The following AKT2 variants were observed in gnomAD, a reference collection of about 807,000 sequenced individuals.
AKT2 encodes RAC-beta serine/threonine-protein kinase.
AKT2 carries 16 observed loss-of-function variants against 58.6 expected under a neutral mutation model. That is an observed-to-expected ratio of 0.27 (90% confidence interval 0.18 to 0.41). The LOEUF (loss-of-function observed/expected upper bound fraction) is 0.41, where lower values mean the gene tolerates loss of function less well. Ranked by LOEUF, AKT2 falls within the 10% of genes least tolerant of loss-of-function variation. The pLI, the probability that AKT2 is intolerant of heterozygous loss-of-function variation, is 1.00. For missense variants in AKT2, 438 were observed against 661.0 expected (o/e 0.66, Z 3.70); for synonymous variants, 253 against 254.0 (o/e 1.00, Z 0.04).
intron 1 of AKT2, among the ~76,000 whole-genome samples, chr19:40,267,859 G>A (rs1258718757): frequency 6.6e-6 from 1 of 152,248 alleles, no homozygotes; most frequent in East Asian, 1.9e-4. Flanking sequence ...TAATCAGGTG[G>A]TGGGGAGGCT....
In AKT2 at chr19:40,234,612, C is replaced by G. The variant is rs1379082545; in HGVS notation, c.1366+433G>C. 2 of 460,852 alleles carry G rather than the reference C, an allele frequency of 4.3e-6. No homozygotes were observed. Among genetic ancestry groups the G allele is most frequent in the East Asian group, 6.7e-5 (2 of 29,782 alleles). 28.5% of individuals were successfully genotyped at this position (460,852 alleles called of 1,614,324 possible). A position where few individuals can be genotyped will look rare whatever the true frequency, so the allele number is the denominator to read the frequency against. On this transcript the variant is annotated intron_variant, in intron 13 of 13. Transcript: ENST00000392038. This position sits in a 1 kb window ranked among gnomAD's most constrained non-coding sequence, Gnocchi z 4.7. The stretch of plus-strand genomic sequence containing the variant: ...GATATTTCCTCTGGGATTCCCCAGT[C>G]CCTGGCCTCCCACGCCCTAGCCCTG...
chr19:40,241,455 G>C (rs41306978), intron 6 of AKT2: 3 of 229,694 alleles, frequency 1.3e-5, no homozygotes, highest in Non-Finnish European at 2.6e-5. Flanking sequence ...CTGGCTAAAC[G>C]CTGATAACTG....
chr19:40,260,569 G>A (rs1413336953), intron 2 of AKT2, among the ~76,000 whole-genome samples: 1 of 134,216 alleles, frequency 7.5e-6, no homozygotes, highest in African/African-American at 2.9e-5. Flanking sequence ...GGCGGAGGCT[G>A]CAGTGAGCCG....
intron 2 of AKT2, among the ~76,000 whole-genome samples, chr19:40,261,259 G>A (rs1975925853): frequency 6.6e-6 from 1 of 152,168 alleles, no homozygotes; most frequent in Admixed American, 6.5e-5. Flanking sequence ...TCGGCCAGGC[G>A]CAATGGCTCA....
At chr19:40,263,732 T>C (rs565203472) in intron 2 of AKT2, among the ~76,000 whole-genome samples, 365 of 152,336 alleles carry the variant, frequency 2.4e-3, no homozygotes, top group African/African-American at 7.9e-3. Context: ...CGCTGCTCCC[T>C]GTCTGCGTCT....
At chr19:40,261,546 A>C (rs1212798208) in intron 2 of AKT2, among the ~76,000 whole-genome samples, 2 of 151,590 alleles carry the variant, frequency 1.3e-5, no homozygotes, top group African/African-American at 4.8e-5. Flanking sequence ...AAAAAAAAAA[A>C]ACAAGACAAG....
At position 40,234,616 on chromosome 19, in the gene AKT2, G is replaced by A; in HGVS notation, c.1366+429C>T. 2.2e-6 allele frequency: 1 copy of A among 463,454 alleles called. No homozygotes were observed. Among genetic ancestry groups the A allele is most frequent in the Non-Finnish European group, 3.8e-6 (1 of 263,654 alleles). 28.7% of individuals were successfully genotyped at this position (463,454 alleles called of 1,614,324 possible). On this transcript the variant is annotated intron_variant, in intron 13 of 13. Coordinates refer to ENST00000392038, the MANE Select transcript of AKT2 (RefSeq NM_001626.6). The surrounding 1 kb of genome is among the most constrained non-coding windows in gnomAD (Gnocchi z 4.7). ...TTTCCTCTGGGATTCCCCAGTCCCT[G>A]GCCTCCCACGCCCTAGCCCTGACCA... is the stretch of plus-strand genomic sequence containing the variant.
intron 4 of AKT2, among the ~76,000 whole-genome samples, chr19:40,252,675 C>T (rs1377732433): frequency 2.6e-5 from 4 of 152,198 alleles, no homozygotes; most frequent in Admixed American, 2.6e-4. Context: ...TCCAACACTC[C>T]TGGCCCCTTG....
rs763391927 is a variant in AKT2 at position 40,257,067 on chromosome 19, AGGAAG to A, written c.47-18_47-14del. 6.2e-7 allele frequency: 1 copy of A among 1,613,892 alleles called. No homozygotes were observed. Among genetic ancestry groups the A allele is most frequent in the African/African-American group, 1.3e-5 (1 of 75,060 alleles). On this transcript the variant is annotated splice_polypyrimidine_tract_variant and intron_variant, in intron 2 of 13. Coordinates refer to ENST00000392038, the MANE Select transcript of AKT2 (RefSeq NM_001626.6). ...TTGATGTATTCACCTGAAATGAGGC[AGGAAG>A]GGAGGGAGAGAGGTTAGGACAAGGT...
At chr19:40,265,901 TG>T (rs1976316764) in intron 1 of AKT2, 1 of 158,838 alleles carries the variant, frequency 6.3e-6, no homozygotes, top group Non-Finnish European at 1.4e-5. Context: ...CGTCCCCCCA[TG>T]CCATCCCATG....
At position 40,234,666 on chromosome 19, in the gene AKT2, G is replaced by A. The variant is rs1038061225; in HGVS notation, c.1366+379C>T. On this transcript the variant is annotated intron_variant, in intron 13 of 13. Coordinates refer to ENST00000392038, the MANE Select transcript of AKT2 (RefSeq NM_001626.6). This position sits in a 1 kb window ranked among gnomAD's most constrained non-coding sequence, Gnocchi z 4.7. Reference sequence around the variant, plus strand: ...ACTCCAGGCCGCCCACCCTACCTGGGCTGGGAGCTTTCCAGGGCAGGGCCC... The same window carrying A: ...ACTCCAGGCCGCCCACCCTACCTGGACTGGGAGCTTTCCAGGGCAGGGCCC... 2 of 565,732 alleles carry A rather than the reference G, an allele frequency of 3.5e-6. No individual in the cohort carries two copies. The highest frequency in any genetic ancestry group is 1.9e-5 in the African/African-American group (1 of 53,364). 35.0% of individuals were successfully genotyped at this position (565,732 alleles called of 1,614,324 possible).
chr19:40,274,153 C>T (rs1334040311), intron 1 of AKT2: 1 of 152,554 alleles, frequency 6.6e-6, no homozygotes, highest in African/African-American at 2.4e-5. Context: ...CCCCTCACAG[C>T]ACTTGCCTCT....
At position 40,241,804 on chromosome 19, in the gene AKT2, T is replaced by C. The variant is rs1599979551; in HGVS notation, c.573+134A>G. The C allele has an allele frequency of 8.6e-6, 12 of 1,387,746 alleles. No individual in the cohort carries two copies. The South Asian group carries it at 1.2e-4, about 14-fold the overall frequency. The allele number at this position is 1,387,746 out of a possible 1,614,324, so 86.0% of individuals were successfully genotyped here. On this transcript the variant is annotated intron_variant, in intron 6 of 13. Coordinates refer to ENST00000392038, the MANE Select transcript of AKT2 (RefSeq NM_001626.6). ...TCTCTGGGCCTCAGGCTCCCCCTTTTCTGACTAGGGGGAATTTGTGGGGGA... is the reference window on the plus strand; with the variant it reads ...TCTCTGGGCCTCAGGCTCCCCCTTTCCTGACTAGGGGGAATTTGTGGGGGA...
intron 1 of AKT2, among the ~76,000 whole-genome samples, chr19:40,278,011 A>G (rs1442915219): frequency 1.3e-5 from 2 of 152,132 alleles, no homozygotes; most frequent in African/African-American, 4.8e-5. Context: ...GGGAGGGGCC[A>G]AGGTCATGGT....
chr19:40,275,764 T>G (rs1462483384), intron 1 of AKT2, among the ~76,000 whole-genome samples: 1 of 4,740 alleles, frequency 2.1e-4, no homozygotes, highest in African/African-American at 6.9e-4. Flanking sequence ...TTTGGGAGGC[T>G]GGGGGGGGGG....
chr19:40,253,095 CAATT>C (rs1463673934), intron 4 of AKT2, among the ~76,000 whole-genome samples: 1 of 152,140 alleles, frequency 6.6e-6, no homozygotes, highest in African/African-American at 2.4e-5. Flanking sequence ...CTCTTTAAAT[CAATT>C]AAAATAAACT....
intron 6 of AKT2, chr19:40,240,331 G>C (rs765887637): frequency 2.7e-6 from 2 of 729,216 alleles, no homozygotes; most frequent in Non-Finnish European, 5.1e-6. Flanking sequence ...AAGTCAGCAG[G>C]AATGTCACAA....
chr19:40,253,453 G>T lies in AKT2; in HGVS notation c.287+1705C>A, dbSNP rs1048498022. 4.6e-4 allele frequency among the ~76,000 whole-genome samples: 32 copies of T among 69,768 alleles called. 1 individual carries two copies. Among genetic ancestry groups the T allele is most frequent in the African/African-American group, 2.2e-3 (32 of 14,700 alleles). 45.8% of individuals were successfully genotyped at this position (69,768 alleles called of 152,430 possible). A position where few individuals can be genotyped will look rare whatever the true frequency, so the allele number is the denominator to read the frequency against. ...TAAGAAAAAGACCAACTACCCAACA[G>T]AAAAATAGACAATATAGACACTTCA... On this transcript the variant is annotated intron_variant, in intron 4 of 13. Coordinates refer to ENST00000392038, the MANE Select transcript of AKT2 (RefSeq NM_001626.6).
In AKT2 at chr19:40,265,323, T is replaced by C. The variant is rs1158569144; in HGVS notation, c.-56A>G. Reference sequence around the variant, plus strand: ...CGGGACAGCTCAGGGCAGCAGGACATGCAGGAGGCACCGTGGACAGGGCAC... The same window carrying C: ...CGGGACAGCTCAGGGCAGCAGGACACGCAGGAGGCACCGTGGACAGGGCAC... On this transcript the variant is annotated 5_prime_UTR_variant, in exon 2 of 14. It removes an upstream start codon present in the reference 5' UTR. Coordinates refer to ENST00000392038, the MANE Select transcript of AKT2 (RefSeq NM_001626.6). 2 of 1,598,216 alleles carry C rather than the reference T, an allele frequency of 1.3e-6. No individual in the cohort carries two copies. The highest frequency in any genetic ancestry group is 1.3e-5 in the African/African-American group (1 of 74,818).
Sources: allele counts gnomAD v4.1 joint callset (sites outside exome capture counted in the v4.1 genomes callset), GRCh38; gene constraint gnomAD v4.1.1; non-coding constraint Gnocchi (gnomAD v3.1); transcripts MANE v1.5; gene names NCBI Gene and HGNC (gene_info 2026-07-23, HGNC 2026-07-21).